PDCD2L: variants seen among roughly 807,000 people sequenced by gnomAD.
The protein encoded by PDCD2L is uS5 assembly chaperone PDCD2L.
A neutral mutation model predicts 40.4 loss-of-function variants in PDCD2L; 44 were observed. That is an observed-to-expected ratio of 1.09 (90% CI 0.86 to 1.40). The LOEUF (loss-of-function observed/expected upper bound fraction) is 1.40. PDCD2L is among the 40% of genes most tolerant of loss of function. The pLI is 0.00. For missense variants in PDCD2L, 470 were observed against 453.7 expected, an observed-to-expected ratio of 1.04 and a Z score of -0.33; for synonymous variants, 194 against 174.6, an observed-to-expected ratio of 1.11 and a Z score of -0.88.
chr19:34,422,601 T>G (rs770640332), intron 6 of PDCD2L, among the ~76,000 whole-genome samples: 12 of 152,188 alleles, frequency 7.9e-5, no homozygotes, highest in South Asian at 2.1e-4. Flanking sequence ...GAAAATAATT[T>G]TCCTAAAATA....
At position 34,413,727 on chromosome 19, in the gene PDCD2L, C is replaced by G; in HGVS notation, c.687-10C>G. The G allele has an allele frequency of 4.9e-6, 7 of 1,440,718 alleles. No individual in the cohort carries two copies. Among genetic ancestry groups the G allele is most frequent in the Non-Finnish European group, 5.8e-6 (6 of 1,034,404 alleles). 89.2% of individuals were successfully genotyped at this position (1,440,718 alleles called of 1,614,324 possible). ...AGACATTCAAAAGTGTTTTCTGCTTCTGTTTTTAGCCTTCCTAATGATGGT... is the reference window on the plus strand; with the variant it reads ...AGACATTCAAAAGTGTTTTCTGCTTGTGTTTTTAGCCTTCCTAATGATGGT... On this transcript the variant is annotated splice_polypyrimidine_tract_variant and intron_variant, in intron 4 of 6. Transcript: ENST00000246535.
chr19:34,414,392 G>A (rs2075117759), intron 5 of PDCD2L, among the ~76,000 whole-genome samples: 1 of 149,442 alleles, frequency 6.7e-6, no homozygotes, highest in Non-Finnish European at 1.5e-5. Context: ...GGCCAGACTG[G>A]TCTCGAACTG....
chr19:34,406,807 G>A (rs1333182995), intron 3 of PDCD2L, among the ~76,000 whole-genome samples: 2 of 144,442 alleles, frequency 1.4e-5, no homozygotes, highest in Admixed American at 1.4e-4. Flanking sequence ...TATTCTTCCC[G>A]CTCCAGGTTT....
At position 34,416,243 on chromosome 19, in the gene PDCD2L, T is replaced by A. The variant is rs532564473; in HGVS notation, c.797+2396T>A. Among the ~76,000 whole-genome samples the A allele has an allele frequency of 1.1e-4, 16 of 152,118 alleles. No homozygotes were observed. The South Asian group carries it at 2.7e-3, about 26-fold the overall frequency. On this transcript the variant is annotated intron_variant, in intron 5 of 6. Coordinates refer to ENST00000246535, the MANE Select transcript of PDCD2L (RefSeq NM_032346.2). The stretch of plus-strand genomic sequence containing the variant: ...GCCTAAGAATTTTCAGTTAATAATA[T>A]TATGTCTGGAAGGAAGCACACAGGA...
chr19:34,423,765 C>T (rs187721319), intron 6 of PDCD2L, among the ~76,000 whole-genome samples: 104 of 150,708 alleles, frequency 6.9e-4, no homozygotes, highest in Non-Finnish European at 9.5e-4. Flanking sequence ...CTGGGATTTA[C>T]AGGCATGAGC....
intron 3 of PDCD2L, among the ~76,000 whole-genome samples, chr19:34,405,932 AC>A (rs966951540): frequency 1.8e-4 from 28 of 152,018 alleles, no homozygotes; most frequent in African/African-American, 6.8e-4. Context: ...GAAAAAAAAA[AC>A]GTTGGGAGAG....
At chr19:34,406,831 T>C (rs963044872) in intron 3 of PDCD2L, among the ~76,000 whole-genome samples, 1 of 144,068 alleles carries the variant, frequency 6.9e-6, no homozygotes, top group Non-Finnish European at 1.5e-5. Flanking sequence ...TCTTCCTTTT[T>C]TTTTTTTTTT....
intron 5 of PDCD2L, among the ~76,000 whole-genome samples, chr19:34,418,072 C>G (rs77393279): frequency 0.04 from 6,111 of 152,272 alleles, 184 homozygotes; most frequent in Admixed American, 0.11. Context: ...CATTTGACAT[C>G]TGTGTATCTT....
chr19:34,409,620 T>C (rs1354002906), intron 4 of PDCD2L, 110 bp downstream of exon 4: 1 of 905,762 alleles, frequency 1.1e-6, no homozygotes, highest in African/African-American at 1.7e-5. Context: ...GCAGAACTTG[T>C]ATGTAGGACC....
At chr19:34,406,335 T>C (rs942282302) in intron 3 of PDCD2L, among the ~76,000 whole-genome samples, 3 of 152,208 alleles carry the variant, frequency 2.0e-5, no homozygotes, top group African/African-American at 7.2e-5. Context: ...ACTTAACATC[T>C]TGTGAGAACA....
chr19:34,411,983 TAAA>T (rs1555724509), intron 4 of PDCD2L, among the ~76,000 whole-genome samples: 2 of 145,302 alleles, frequency 1.4e-5, no homozygotes, highest in African/African-American at 5.0e-5. Context: ...TATATATATA[TAAA>T]ATAAATAATA....
At chr19:34,414,434 C>T (rs544414146) in intron 5 of PDCD2L, among the ~76,000 whole-genome samples, 12 of 147,236 alleles carry the variant, frequency 8.2e-5, no homozygotes, top group African/African-American at 3.0e-4. Flanking sequence ...ACCTCAGCCT[C>T]CCAAAGTTCT....
At chr19:34,419,538 G>A (rs1266607462) in intron 5 of PDCD2L, among the ~76,000 whole-genome samples, 5 of 149,910 alleles carry the variant, frequency 3.3e-5, no homozygotes, top group Non-Finnish European at 5.9e-5. Context: ...CTCACTATGT[G>A]GCCTAGGCTG....
At chr19:34,404,574 CT>C in intron 1 of PDCD2L, 36 bp downstream of exon 1, 1 of 1,576,364 alleles carries the variant, frequency 6.3e-7, no homozygotes, top group East Asian at 2.3e-5. Context: ...TCGATGGGTG[CT>C]GCTGAAGGGT....
intron 6 of PDCD2L, among the ~76,000 whole-genome samples, chr19:34,425,053 T>C (rs1032893620): frequency 5.9e-5 from 9 of 152,194 alleles, no homozygotes; most frequent in African/African-American, 2.2e-4. Context: ...GCCCAGCCAA[T>C]GCATACATTT....
chr19:34,425,301 C>CTTT (rs35392752), intron 6 of PDCD2L, among the ~76,000 whole-genome samples: 1 of 132,162 alleles, frequency 7.6e-6, no homozygotes, highest in African/African-American at 2.8e-5. Flanking sequence ...TTTCTCTCTT[C>CTTT]TTTTTTTTTT....
chr19:34,406,388 A>ATT (rs1163012080), intron 3 of PDCD2L, among the ~76,000 whole-genome samples: 2,118 of 141,464 alleles, frequency 0.015, 25 homozygotes, highest in South Asian at 0.025. Flanking sequence ...CAATACTCTT[A>ATT]TTTTTTTTTT....
chr19:34,404,868 G>A, intron 2 of PDCD2L, 53 bp downstream of exon 2: 1 of 1,610,264 alleles, frequency 6.2e-7, no homozygotes, highest in Non-Finnish European at 8.5e-7. Flanking sequence ...CAGCGGGCTG[G>A]GGCGGGCCGG....
At position 34,409,426 on chromosome 19, in the gene PDCD2L, T is replaced by C. The variant is rs762059898; in HGVS notation, c.602T>C (p.Phe201Ser). The change falls in exon 4 of 7, where the codon TTT (phenylalanine) becomes TCT (serine). Residue 201 changes from phenylalanine to serine, a missense_variant. Transcript: ENST00000246535. Reference sequence around the variant, plus strand: ...GCAGATGAGGATGATTACAGGGACTTTGTCAACCTGGATCATGCCCACAGC... The same window carrying C: ...GCAGATGAGGATGATTACAGGGACTCTGTCAACCTGGATCATGCCCACAGC... ...CVADEDDYRD[F>S]VNLDHAHSLL... The C allele has an allele frequency of 6.8e-6, 11 of 1,614,034 alleles. No homozygotes were observed. The highest frequency in any genetic ancestry group is 9.3e-6 in the Non-Finnish European group (11 of 1,180,028).
Sources: allele counts gnomAD v4.1 joint callset (sites outside exome capture counted in the v4.1 genomes callset), GRCh38; gene constraint gnomAD v4.1.1; transcripts MANE v1.5; gene names NCBI Gene and HGNC (gene_info 2026-07-23, HGNC 2026-07-21).